Variants in CAST observed in about 807,000 individuals in gnomAD.
CAST encodes MIR583 host.
Under a neutral mutation model 119.6 loss-of-function variants are expected in CAST, and 76 were observed. The ratio of observed to expected loss-of-function variants is 0.64; its 90% CI spans 0.53 to 0.77. The LOEUF (loss-of-function observed/expected upper bound fraction) is 0.77. Among genes scored for constraint, CAST ranks in the 30% least tolerant of loss-of-function variants. The probability of loss-of-function intolerance (pLI) is 0.00; values close to 1 mark genes in which losing one functional copy is unlikely to be tolerated. For synonymous variants in CAST, 319 were observed against 331.6 expected (o/e 0.96, Z 0.41); for missense variants, 953 against 946.5 (o/e 1.01, Z -0.09).
chr5:96,768,083 C>A, intron 29 of CAST, 84 bp downstream of exon 29: 2 of 902,022 alleles, frequency 2.2e-6, no homozygotes, highest in South Asian at 1.4e-5. Flanking sequence ...ATTGATTGAT[C>A]TATCTATCGG....
upstream of CAST, among the ~76,000 whole-genome samples, chr5:96,657,670 C>T (rs530895642): frequency 6.6e-6 from 1 of 151,962 alleles, no homozygotes; most frequent in African/African-American, 2.4e-5. Flanking sequence ...ATTTGGGCTG[C>T]AAAAATTTCT....
At chr5:96,648,694 G>A (rs977182254) in intron 1 of CAST, among the ~76,000 whole-genome samples, 2 of 147,670 alleles carry the variant, frequency 1.4e-5, no homozygotes, top group Admixed American at 6.9e-5. Context: ...GTGAAACTGG[G>A]AGAAGTTTTA....
chr5:96,261,424 A>AC, the CAST span, among the ~76,000 whole-genome samples: 4 of 152,000 alleles, frequency 2.6e-5, no homozygotes, highest in East Asian at 3.9e-4. Context: ...CCATGCTATT[A>AC]CCCCCCCATC....
chr5:96,586,439 C>T (rs561341386), intron 1 of CAST, among the ~76,000 whole-genome samples: 14 of 152,176 alleles, frequency 9.2e-5, no homozygotes, highest in African/African-American at 3.4e-4. Context: ...TAAATGAGCT[C>T]AATTGTGCCT....
At chr5:96,150,350 G>A in the CAST span, among the ~76,000 whole-genome samples, 1 of 152,214 alleles carries the variant, frequency 6.6e-6, no homozygotes, top group Non-Finnish European at 1.5e-5. Flanking sequence ...TAGCGTTCTT[G>A]GAGGTTTCAG....
intron 4 of CAST, among the ~76,000 whole-genome samples, chr5:96,723,019 T>G (rs1758585783): frequency 6.6e-6 from 1 of 151,246 alleles, no homozygotes; most frequent in Non-Finnish European, 1.5e-5. Flanking sequence ...TTACACTCAC[T>G]GCAGCCCCAA....
At chr5:96,662,322 T>TGCCA, upstream of CAST, 1 of 567,042 alleles carries the variant, frequency 1.8e-6, no homozygotes, top group Non-Finnish European at 2.5e-6. Context: ...GGCCCTCCGC[T>TGCCA]CCCTCCCTCC....
the CAST span, among the ~76,000 whole-genome samples, chr5:96,334,313 T>C: frequency 6.6e-6 from 1 of 152,180 alleles, no homozygotes; most frequent in Non-Finnish European, 1.5e-5. Context: ...TCACAGTCAC[T>C]GCTTAGTTGT....
intron 3 of CAST, among the ~76,000 whole-genome samples, chr5:96,704,587 A>G (rs1332089287): frequency 6.6e-6 from 1 of 152,204 alleles, no homozygotes; most frequent in East Asian, 1.9e-4. Context: ...AATTAGTCCT[A>G]TTCAAATAAA....
intron 1 of CAST, among the ~76,000 whole-genome samples, chr5:96,541,334 T>TA (rs34079380): frequency 6.6e-5 from 10 of 151,072 alleles, no homozygotes; most frequent in East Asian, 1.9e-4. Context: ...GTCATTTTTT[T>TA]AAAAAAAAAA....
At chr5:96,209,005 C>T in the CAST span, among the ~76,000 whole-genome samples, 1 of 152,008 alleles carries the variant, frequency 6.6e-6, no homozygotes, top group Non-Finnish European at 1.5e-5. Flanking sequence ...CTGGGTGCTC[C>T]TGTGTTGGGT....
At chr5:96,134,862 T>G in the CAST span, among the ~76,000 whole-genome samples, 16 of 152,060 alleles carry the variant, frequency 1.1e-4, no homozygotes, top group Non-Finnish European at 2.1e-4. Context: ...ACAAGTGCTA[T>G]GAAGGAAATA....
Position 96,618,667 on chromosome 5 carries a change from C to CGCTGGGTCCCCCAGCAGT in CAST, c.61-56869_61-56852dup, listed in dbSNP as rs573929161. ...CCTGGGCCAGCAGCTGTGGAGGGTG[C>CGCTGGGTCCCCCAGCAGT]GCTGGGTCCCCCAGCAGTGCCGGCT... On this transcript the variant is annotated intron_variant, in intron 1 of 11. Transcript: ENST00000505143. Among the ~76,000 whole-genome samples the CGCTGGGTCCCCCAGCAGT allele has an allele frequency of 4.1e-3, 625 of 152,326 alleles. 2 individuals are homozygous for CGCTGGGTCCCCCAGCAGT. Among genetic ancestry groups the CGCTGGGTCCCCCAGCAGT allele is most frequent in the Non-Finnish European group, 5.3e-3 (359 of 67,998 alleles).
intron 1 of CAST, among the ~76,000 whole-genome samples, chr5:96,562,437 T>C (rs1353916280): frequency 6.6e-6 from 1 of 152,158 alleles, no homozygotes; most frequent in Non-Finnish European, 1.5e-5. Context: ...AATACACATC[T>C]TTGCCTCTCA....
chr5:95,999,498 G>A, the CAST span, among the ~76,000 whole-genome samples: 7 of 152,012 alleles, frequency 4.6e-5, no homozygotes, highest in East Asian at 1.9e-4. Flanking sequence ...CACAGGCACC[G>A]GTCACTACAC....
the CAST span, among the ~76,000 whole-genome samples, chr5:96,212,135 T>G: frequency 3.9e-5 from 6 of 152,152 alleles, no homozygotes; most frequent in Admixed American, 6.6e-5. Context: ...AATTTGTGAT[T>G]AATGATTTCT....
At chr5:96,332,350 T>C in the CAST span, among the ~76,000 whole-genome samples, 1,675 of 152,266 alleles carry the variant, frequency 0.011, 37 homozygotes, top group African/African-American at 0.038. Context: ...CCCAGACTTA[T>C]GGCTGTTGTG....
chr5:95,964,759 A>G, the CAST span, among the ~76,000 whole-genome samples: 1 of 152,224 alleles, frequency 6.6e-6, no homozygotes, highest in Non-Finnish European at 1.5e-5. Context: ...TAACCAGGAG[A>G]GGCAGGGTCG....
the CAST span, among the ~76,000 whole-genome samples, chr5:96,272,402 A>G: frequency 6.6e-6 from 1 of 152,232 alleles, no homozygotes; most frequent in Non-Finnish European, 1.5e-5. Context: ...TGTGGTACAT[A>G]TACACAATAG....
Sources: gnomAD v4.1 joint callset for allele counts (sites outside exome capture counted in the v4.1 genomes callset) on GRCh38, gnomAD v4.1.1 for gene constraint, MANE v1.5 for transcripts, NCBI Gene and HGNC (gene_info 2026-07-23, HGNC 2026-07-21) for gene names.